UMAD1: variants seen among roughly 807,000 people sequenced by gnomAD.
UMAD1 encodes the protein UBAP1-MVB12-associated (UMA) domain containing 1, also known as UBAP1-MVB12-associated (UMA)-domain containing protein 1.
In UMAD1, 8 loss-of-function variants were observed where a neutral mutation model predicts 6.1. That is an observed-to-expected ratio of 1.30 (90% CI 0.76 to 2.35). The LOEUF (loss-of-function observed/expected upper bound fraction) is 2.35, where lower values mean the gene tolerates loss of function less well. Among genes scored for constraint, UMAD1 ranks in the 30% most tolerant of loss-of-function variants. The probability of loss-of-function intolerance (pLI) is 0.00; values close to 1 mark genes in which losing one functional copy is unlikely to be tolerated. For synonymous variants in UMAD1, 56 were observed against 31.4 expected (o/e 1.78, Z -2.61); for missense variants, 130 against 78.4 (o/e 1.66, Z -2.49).
At chr7:7,785,171 T>C (rs190304400) in intron 2 of UMAD1, among the ~76,000 whole-genome samples, 254 of 152,290 alleles carry the variant, frequency 1.7e-3, no homozygotes, top group African/African-American at 5.8e-3. Context: ...GAAGTGAATC[T>C]GGGTATGGTA....
chr7:7,843,354 A>G (rs1255129792), intron 3 of UMAD1, among the ~76,000 whole-genome samples: 3 of 152,164 alleles, frequency 2.0e-5, no homozygotes, highest in Non-Finnish European at 2.9e-5. Context: ...AATGATTGCT[A>G]AAGACTGGTA....
chr7:7,792,225 A>C (rs1269326889), intron 2 of UMAD1, among the ~76,000 whole-genome samples: 1 of 151,968 alleles, frequency 6.6e-6, no homozygotes, highest in Non-Finnish European at 1.5e-5. Context: ...CCTTTCCTAT[A>C]TTTGTTTGCT....
chr7:7,768,358 CAGA>C (rs1180264754), intron 2 of UMAD1, among the ~76,000 whole-genome samples: 3 of 152,132 alleles, frequency 2.0e-5, no homozygotes, highest in Admixed American at 2.0e-4. Context: ...TGCAGTCTAA[CAGA>C]AGGTTATTTG....
At chr7:7,865,384 C>T (rs1208079502) in intron 3 of UMAD1, among the ~76,000 whole-genome samples, 1 of 152,038 alleles carries the variant, frequency 6.6e-6, no homozygotes, top group Non-Finnish European at 1.5e-5. Context: ...GAGGAAAAAG[C>T]CCATGTGTTT....
chr7:7,779,132 G>A (rs914145461), intron 2 of UMAD1, among the ~76,000 whole-genome samples: 2 of 152,100 alleles, frequency 1.3e-5, no homozygotes, highest in African/African-American at 2.4e-5. Context: ...GGTTTCATTT[G>A]CCCTGGTCTT....
intron 3 of UMAD1, among the ~76,000 whole-genome samples, chr7:7,874,275 G>A (rs1387087883): frequency 6.6e-6 from 1 of 152,114 alleles, no homozygotes. Flanking sequence ...GACTTCATAA[G>A]TAATCTGTCA....
At chr7:7,675,411 T>C (rs1779714160) in intron 2 of UMAD1, among the ~76,000 whole-genome samples, 1 of 152,196 alleles carries the variant, frequency 6.6e-6, no homozygotes, top group Non-Finnish European at 1.5e-5. Flanking sequence ...CAATTTCTGG[T>C]AGCATGTAGT....
intron 3 of UMAD1, among the ~76,000 whole-genome samples, chr7:7,832,156 C>T (rs983164603): frequency 1.3e-5 from 2 of 152,136 alleles, no homozygotes; most frequent in Non-Finnish European, 2.9e-5. Flanking sequence ...TTTGCAGTTA[C>T]TTGAGAAAGA....
chr7:7,790,248 CTTGTGTACACCGGAATG>C (rs535602987), intron 2 of UMAD1, among the ~76,000 whole-genome samples: 2,255 of 152,264 alleles, frequency 0.015, 29 homozygotes, highest in Admixed American at 0.051. Context: ...CCAGGGGATT[CTTGTGTACACCGGAATG>C]TGAGATGCAT....
At chr7:7,730,172 T>C (rs76749946) in intron 2 of UMAD1, among the ~76,000 whole-genome samples, 15,496 of 152,282 alleles carry the variant, frequency 0.1, 1,073 homozygotes, top group African/African-American at 0.19. Flanking sequence ...GTCAGCTCTC[T>C]TCTGTGGTCT....
intron 3 of UMAD1, among the ~76,000 whole-genome samples, chr7:7,837,233 C>A (rs1783588253): frequency 6.6e-6 from 1 of 151,728 alleles, no homozygotes; most frequent in South Asian, 2.1e-4. Flanking sequence ...AGATTAAGGG[C>A]AAAATAATTT....
At chr7:7,754,685 A>G (rs1781741924) in intron 2 of UMAD1, among the ~76,000 whole-genome samples, 1 of 152,214 alleles carries the variant, frequency 6.6e-6, no homozygotes, top group South Asian at 2.1e-4. Context: ...TTCAGTTTAC[A>G]TTTTAAATGA....
At chr7:7,668,637 A>T (rs1779529812) in intron 1 of UMAD1, among the ~76,000 whole-genome samples, 1 of 152,226 alleles carries the variant, frequency 6.6e-6, no homozygotes, top group Non-Finnish European at 1.5e-5. Context: ...TAATTGATAT[A>T]AGCAAGAGTT....
At chr7:7,774,846 T>C (rs1782170319) in intron 2 of UMAD1, among the ~76,000 whole-genome samples, 1 of 152,146 alleles carries the variant, frequency 6.6e-6, no homozygotes, top group Admixed American at 6.5e-5. Flanking sequence ...AGCCCTTGAG[T>C]TTCCCTGGCC....
At chr7:7,783,055 A>G (rs1782381469) in intron 2 of UMAD1, among the ~76,000 whole-genome samples, 1 of 152,096 alleles carries the variant, frequency 6.6e-6, no homozygotes, top group Non-Finnish European at 1.5e-5. Context: ...TGTTATGTGG[A>G]CCTACATACT....
At chr7:7,797,279 C>G (rs568511394) in intron 2 of UMAD1, among the ~76,000 whole-genome samples, 2 of 152,318 alleles carry the variant, frequency 1.3e-5, no homozygotes, top group East Asian at 1.9e-4. Context: ...GATCTGTCCC[C>G]ATGACCCAAA....
intron 1 of UMAD1, among the ~76,000 whole-genome samples, chr7:7,663,202 T>G (rs1785519406): frequency 6.6e-6 from 1 of 151,732 alleles, no homozygotes; most frequent in East Asian, 1.9e-4. Flanking sequence ...AAGTCTGGTC[T>G]TGACCTGCTA....
At chr7:7,727,872 A>C (rs1193855885) in intron 2 of UMAD1, among the ~76,000 whole-genome samples, 1 of 152,144 alleles carries the variant, frequency 6.6e-6, no homozygotes, top group Admixed American at 6.5e-5. Flanking sequence ...ATACTCCTTA[A>C]TAAACTCTCT....
chr7:7,816,737 A>G (rs1047061869), intron 3 of UMAD1, among the ~76,000 whole-genome samples: 1 of 152,078 alleles, frequency 6.6e-6, no homozygotes, highest in Admixed American at 6.5e-5. Flanking sequence ...TTGATCACCA[A>G]TCACTTTATT....
Sources: allele counts gnomAD v4.1 joint callset (sites outside exome capture counted in the v4.1 genomes callset), GRCh38; gene constraint gnomAD v4.1.1; transcripts MANE v1.5; gene names NCBI Gene and HGNC (gene_info 2026-07-23, HGNC 2026-07-21).